ZNF776: variants seen among roughly 807,000 people sequenced by gnomAD.
The protein encoded by ZNF776 is zinc finger protein 776.
In ZNF776, 4 loss-of-function variants were observed where a neutral mutation model predicts 7.0. The ratio of observed to expected loss-of-function variants is 0.57; its 90% confidence interval spans 0.28 to 1.31. The LOEUF (loss-of-function observed/expected upper bound fraction) is 1.31. ZNF776 is among the 50% of genes most tolerant of loss of function. The pLI, the probability that ZNF776 is intolerant of heterozygous loss-of-function variation, is 0.10. For missense variants in ZNF776, 555 were observed against 625.9 expected, an observed-to-expected ratio of 0.89 and a Z score of 1.21; for synonymous variants, 212 against 213.7, an observed-to-expected ratio of 0.99 and a Z score of 0.07.
chr19:57,747,095 A>G lies in ZNF776; in HGVS notation c.33+4A>G. The G allele has an allele frequency of 3.8e-6, 6 of 1,591,638 alleles. No individual in the cohort carries two copies. The highest frequency in any genetic ancestry group is 1.7e-5 in the Admixed American group (1 of 57,420). ...CGCGCTGAGGCCCCCGGCTCAGGTA[A>G]TTGTGGCGTCTTCCGTGCCCTCAGG... On this transcript the variant is annotated splice_donor_region_variant and intron_variant, in intron 1 of 2. Transcript: ENST00000317178.
intron 1 of ZNF776, among the ~76,000 whole-genome samples, chr19:57,750,321 A>G (rs538023795): frequency 6.6e-6 from 1 of 151,642 alleles, no homozygotes; most frequent in South Asian, 2.1e-4. Flanking sequence ...TATCCCATCT[A>G]CTCGGGAGGC....
chr19:57,747,189 A>C, intron 1 of ZNF776, 98 bp downstream of exon 1: 1 of 1,368,786 alleles, frequency 7.3e-7, no homozygotes. Flanking sequence ...TACACCCTGA[A>C]CCCGGCGTCG....
Position 57,754,268 on chromosome 19 carries a change from G to A in ZNF776, c.1138G>A (p.Ala380Thr). Residue 380 changes from alanine to threonine, a missense_variant, in exon 3 of 3, where the codon GCA becomes ACA. Coordinates refer to ENST00000317178, the MANE Select transcript of ZNF776 (RefSeq NM_173632.4). ...HTGERPFECTACGKLFRSNSH... is the reference protein window; with the variant it reads ...HTGERPFECTTCGKLFRSNSH... Reference sequence around the variant, plus strand: ...TGGAGAAAGACCTTTTGAGTGTACGGCATGTGGGAAGTTATTTAGGAGCAA... The same window carrying A: ...TGGAGAAAGACCTTTTGAGTGTACGACATGTGGGAAGTTATTTAGGAGCAA... 6.2e-7 allele frequency: 1 copy of A among 1,613,870 alleles called. No individual in the cohort carries two copies.
At position 57,755,652 on chromosome 19, in the gene ZNF776, A is replaced by G. The variant is rs1986756535; in HGVS notation, c.*965A>G. ...GCCCTTATGAGGACACCATCAACCT[A>G]TATTGAATGTCATATGTCCAGTAGC... On this transcript the variant is annotated 3_prime_UTR_variant, in exon 3 of 3. Transcript: ENST00000317178. The G allele has an allele frequency of 6.6e-6, 1 of 152,196 alleles. No homozygotes were observed. Among genetic ancestry groups the G allele is most frequent in the East Asian group, 1.9e-4 (1 of 5,192 alleles). 9.4% of individuals were successfully genotyped at this position (152,196 alleles called of 1,614,324 possible). A position where few individuals can be genotyped will look rare whatever the true frequency, so the allele number is the denominator to read the frequency against.
intron 2 of ZNF776, among the ~76,000 whole-genome samples, chr19:57,752,401 C>G (rs548590764): frequency 6.6e-6 from 1 of 152,156 alleles, no homozygotes; most frequent in Non-Finnish European, 1.5e-5. Flanking sequence ...TCTTGTCTTT[C>G]TCTTATTCTT....
chr19:57,757,442 GT>G lies in ZNF776; in HGVS notation c.*2756del, dbSNP rs1316923817. The G allele has an allele frequency of 6.6e-6, 1 of 152,262 alleles. No homozygotes were observed. Among genetic ancestry groups the G allele is most frequent in the Non-Finnish European group, 1.5e-5 (1 of 68,090 alleles). The allele number at this position is 152,262 out of a possible 1,614,324, so 9.4% of individuals were successfully genotyped here. A position where few individuals can be genotyped will look rare whatever the true frequency, so the allele number is the denominator to read the frequency against. On this transcript the variant is annotated 3_prime_UTR_variant, in exon 3 of 3. Coordinates refer to ENST00000317178, the MANE Select transcript of ZNF776 (RefSeq NM_173632.4). Reference sequence around the variant, plus strand: ...AAAGGAAATCTCTTAGTCCAGTGATGTGGCCTTTGCAACCAGCCAGCATTCC... The same window carrying G: ...AAAGGAAATCTCTTAGTCCAGTGATGGGCCTTTGCAACCAGCCAGCATTCC...
chr19:57,751,336 C>T (rs1257039036), intron 2 of ZNF776, among the ~76,000 whole-genome samples: 1 of 148,340 alleles, frequency 6.7e-6, no homozygotes, highest in Non-Finnish European at 1.5e-5. Context: ...TTGCAAGACC[C>T]TCCTTATAAA....
intron 2 of ZNF776, among the ~76,000 whole-genome samples, chr19:57,751,472 C>T (rs1032900337): frequency 6.6e-6 from 1 of 152,128 alleles, no homozygotes; most frequent in Non-Finnish European, 1.5e-5. Flanking sequence ...AGCAATCCTC[C>T]TTCCTCAGCC....
intron 1 of ZNF776, among the ~76,000 whole-genome samples, chr19:57,749,557 C>A (rs752375831): frequency 5.9e-5 from 9 of 152,102 alleles, no homozygotes; most frequent in Non-Finnish European, 8.8e-5. Flanking sequence ...AAAATGGAGG[C>A]CCAATATGAT....
chr19:57,753,561 G>A lies in ZNF776; in HGVS notation c.431G>A (p.Ser144Asn). 6.2e-7 allele frequency: 1 copy of A among 1,614,266 alleles called. No individual in the cohort carries two copies. ...CACATTGGAGAGAAATCGTACAGAAGCAATGCCAAGGGAACATCTTTTGTA... is the reference window on the plus strand; with the variant it reads ...CACATTGGAGAGAAATCGTACAGAAACAATGCCAAGGGAACATCTTTTGTA... Reference protein sequence around the residue: ...KQHIGEKSYRSNAKGTSFVKN... With the variant: ...KQHIGEKSYRNNAKGTSFVKN... The change falls in exon 3 of 3, where the codon AGC becomes AAC. Residue 144 changes from serine to asparagine, a missense_variant. By Grantham distance (46) the Ser-to-Asn change is conservative (BLOSUM62 1). Coordinates refer to ENST00000317178, the MANE Select transcript of ZNF776 (RefSeq NM_173632.4).
At position 57,754,198 on chromosome 19, in the gene ZNF776, G is replaced by A. The variant is rs144336046; in HGVS notation, c.1068G>A (p.Ser356=). 1.3e-4 allele frequency: 209 copies of A among 1,612,698 alleles called. No homozygotes were observed. The African/African-American group carries it at 2.2e-3, about 17-fold the overall frequency. The change falls in exon 3 of 3, where the codon TCG becomes TCA. Residue 356 remains serine, a synonymous_variant. Transcript: ENST00000317178. ...ATCAGTGTGGAGAATGTGGGAAATC[G>A]TTTAATCACAAGTGCAACCTCATTC... is the stretch of plus-strand genomic sequence containing the variant. ...RPYQCGECGK[S]FNHKCNLIQH... is the part of the protein sequence containing the mutation.
In ZNF776 at chr19:57,756,804, G is replaced by A; in HGVS notation, c.*2117G>A. The A allele has an allele frequency of 2.3e-6, 1 of 441,422 alleles. No individual in the cohort carries two copies. Among genetic ancestry groups the A allele is most frequent in the Non-Finnish European group, 4.6e-6 (1 of 219,736 alleles). 27.3% of individuals were successfully genotyped at this position (441,422 alleles called of 1,614,324 possible). A position where few individuals can be genotyped will look rare whatever the true frequency, so the allele number is the denominator to read the frequency against. ...CATGTGTCCTGAAGTCCAGAATTCTGTAGGATAGTGTCCTACGTTATAAGC... is the reference window on the plus strand; with the variant it reads ...CATGTGTCCTGAAGTCCAGAATTCTATAGGATAGTGTCCTACGTTATAAGC... On this transcript the variant is annotated 3_prime_UTR_variant, in exon 3 of 3. Coordinates refer to ENST00000317178, the MANE Select transcript of ZNF776 (RefSeq NM_173632.4).
intron 1 of ZNF776, among the ~76,000 whole-genome samples, chr19:57,747,845 C>CTTTTTT (rs35757667): frequency 6.9e-6 from 1 of 144,920 alleles, no homozygotes; most frequent in African/African-American, 2.5e-5. Flanking sequence ...TCTTAGGTAC[C>CTTTTTT]TTTTTTTTTT....
rs1248918001 is a variant in ZNF776, at chr19:57,751,682, GT to G, written c.160+784del. On this transcript the variant is annotated intron_variant, in intron 2 of 2. Transcript: ENST00000317178. ...TGCCCTGAGTATTTTTTGCTTTTTT[GT>G]TTTTTTTTTTTTCAGACAGGGTTTC... 9.5e-3 allele frequency among the ~76,000 whole-genome samples: 1,317 copies of G among 138,006 alleles called. 20 individuals are homozygous for G. Among genetic ancestry groups the G allele is most frequent in the African/African-American group, 0.032 (1,211 of 37,890 alleles). 90.5% of individuals were successfully genotyped at this position (138,006 alleles called of 152,430 possible). A position where few individuals can be genotyped will look rare whatever the true frequency, so the allele number is the denominator to read the frequency against.
At chr19:57,750,646 T>C (rs185834631) in intron 1 of ZNF776, 139 bp from the exon 2 acceptor site, 1 of 1,118,722 alleles carries the variant, frequency 8.9e-7, no homozygotes, top group African/African-American at 1.6e-5. Context: ...CCATGACCAG[T>C]GAGCCCATGA....
intron 2 of ZNF776, among the ~76,000 whole-genome samples, chr19:57,752,771 C>T (rs926026364): frequency 3.3e-5 from 5 of 152,212 alleles, no homozygotes; most frequent in Admixed American, 6.5e-5. Flanking sequence ...ATTTTTCTCA[C>T]ATTTCCATCT....
At chr19:57,752,743 T>C (rs148516840) in intron 2 of ZNF776, among the ~76,000 whole-genome samples, 6 of 152,324 alleles carry the variant, frequency 3.9e-5, no homozygotes, top group Non-Finnish European at 7.4e-5. Flanking sequence ...TTCACATCTC[T>C]GGATCCCACC....
Position 57,757,044 on chromosome 19 carries a change from C to T in ZNF776, c.*2357C>T, listed in dbSNP as rs1986798725. The T allele has an allele frequency of 3.5e-6, 1 of 288,626 alleles. No homozygotes were observed. Among genetic ancestry groups the T allele is most frequent in the Admixed American group, 4.6e-5 (1 of 21,826 alleles). The allele number at this position is 288,626 out of a possible 1,614,324, so 17.9% of individuals were successfully genotyped here. ...AGAGATAGGGTTTTGCTATTTTACC[C>T]TGACTGATGTTCAACTCCTGGCCTC... On this transcript the variant is annotated 3_prime_UTR_variant, in exon 3 of 3. Transcript: ENST00000317178.
At position 57,755,420 on chromosome 19, in the gene ZNF776, T is replaced by C. The variant is rs1986748832; in HGVS notation, c.*733T>C. ...TCAGAGTTCACACTGGATCAAGGCTTTATGGTGTGACAAATATGGCACATT... is the reference window on the plus strand; with the variant it reads ...TCAGAGTTCACACTGGATCAAGGCTCTATGGTGTGACAAATATGGCACATT... On this transcript the variant is annotated 3_prime_UTR_variant, in exon 3 of 3. Coordinates refer to ENST00000317178, the MANE Select transcript of ZNF776 (RefSeq NM_173632.4). 1 of 152,294 alleles carries C rather than the reference T, an allele frequency of 6.6e-6. No individual in the cohort carries two copies. The highest frequency in any genetic ancestry group is 6.5e-5 in the Admixed American group (1 of 15,292). The allele number at this position is 152,294 out of a possible 1,614,324, so 9.4% of individuals were successfully genotyped here.
Sources: allele counts gnomAD v4.1 joint callset (sites outside exome capture counted in the v4.1 genomes callset), GRCh38; gene constraint gnomAD v4.1.1; transcripts MANE v1.5; gene names NCBI Gene and HGNC (gene_info 2026-07-23, HGNC 2026-07-21).